The following CAST variants were observed in gnomAD, a reference collection of about 807,000 sequenced individuals.
CAST encodes calpastatin, also known as MIR583 host.
Under a neutral mutation model 119.6 loss-of-function variants are expected in CAST, and 76 were observed. The ratio of observed to expected loss-of-function variants is 0.64; its 90% CI spans 0.53 to 0.77. The LOEUF is 0.77. Ranked by LOEUF, CAST falls within the 30% of genes least tolerant of loss-of-function variation. The pLI, the probability that CAST is intolerant of heterozygous loss-of-function variation, is 0.00. For synonymous variants in CAST, 319 were observed against 331.6 expected (o/e 0.96, Z 0.41); for missense variants, 953 against 946.5 (o/e 1.01, Z -0.09).
the CAST span, among the ~76,000 whole-genome samples, chr5:95,988,422 AAAG>A: frequency 6.6e-6 from 1 of 152,264 alleles, no homozygotes. Flanking sequence ...GTACAAGGTG[AAAG>A]AAGGAGCTGG....
At chr5:96,167,025 A>G in the CAST span, among the ~76,000 whole-genome samples, 2 of 151,864 alleles carry the variant, frequency 1.3e-5, no homozygotes, top group South Asian at 2.1e-4. Flanking sequence ...GGGTTGTTGG[A>G]AGAAACATTT....
At chr5:96,608,123 C>A (rs901176933) in intron 1 of CAST, among the ~76,000 whole-genome samples, 1 of 152,178 alleles carries the variant, frequency 6.6e-6, no homozygotes, top group African/African-American at 2.4e-5. Context: ...CCACACCCTT[C>A]CCCCAGTCTA....
chr5:96,540,049 A>G (rs1006835191), intron 1 of CAST, among the ~76,000 whole-genome samples: 1 of 152,100 alleles, frequency 6.6e-6, no homozygotes, highest in Admixed American at 6.6e-5. Context: ...TATAGCTTCA[A>G]ATATGTGTAG....
At chr5:96,476,489 G>A in the CAST span, among the ~76,000 whole-genome samples, 1 of 152,184 alleles carries the variant, frequency 6.6e-6, no homozygotes, top group Non-Finnish European at 1.5e-5. Context: ...AGGCAGAACT[G>A]TGGGCAGGAA....
the CAST span, among the ~76,000 whole-genome samples, chr5:96,003,385 A>G: frequency 6.6e-6 from 1 of 151,794 alleles, no homozygotes; most frequent in Admixed American, 6.6e-5. Flanking sequence ...AAAAATATGA[A>G]AAATTAGCCG....
chr5:96,563,082 T>C (rs1746409830), intron 1 of CAST, among the ~76,000 whole-genome samples: 1 of 152,180 alleles, frequency 6.6e-6, no homozygotes, highest in Admixed American at 6.5e-5. Context: ...AAGACACAGA[T>C]ATGGCAAAAA....
At chr5:96,281,692 G>A in the CAST span, among the ~76,000 whole-genome samples, 4 of 152,182 alleles carry the variant, frequency 2.6e-5, no homozygotes, top group African/African-American at 9.7e-5. Context: ...AAGTAATGAT[G>A]AAGGGTACAA....
the CAST span, among the ~76,000 whole-genome samples, chr5:96,419,609 C>A: frequency 1.5e-3 from 235 of 151,794 alleles, 1 homozygote; most frequent in African/African-American, 5.5e-3. Flanking sequence ...GCTCCCAAGT[C>A]TGCTCTTAAC....
At chr5:96,436,454 A>G in the CAST span, among the ~76,000 whole-genome samples, 1 of 104,768 alleles carries the variant, frequency 9.5e-6, no homozygotes, top group Admixed American at 1.0e-4. Flanking sequence ...CACCAATATA[A>G]GTTTTTATCT....
chr5:96,018,739 T>G, the CAST span, among the ~76,000 whole-genome samples: 1 of 152,206 alleles, frequency 6.6e-6, no homozygotes, highest in Non-Finnish European at 1.5e-5. Flanking sequence ...TTGGTAAGTG[T>G]ACATTGCTAT....
At chr5:96,467,129 A>AT in the CAST span, among the ~76,000 whole-genome samples, 15 of 151,360 alleles carry the variant, frequency 9.9e-5, no homozygotes, top group East Asian at 3.9e-4. Flanking sequence ...TTTTCATACC[A>AT]TTTTTTTTCT....
At chr5:96,633,322 T>A (rs155042) in intron 1 of CAST, among the ~76,000 whole-genome samples, 105,530 of 152,024 alleles carry the variant, frequency 0.69, 37,680 homozygotes, top group African/African-American at 0.86. Flanking sequence ...AACAATAGCA[T>A]CTCTTCCAAT....
At chr5:96,135,882 G>A in the CAST span, among the ~76,000 whole-genome samples, 1 of 152,114 alleles carries the variant, frequency 6.6e-6, no homozygotes, top group African/African-American at 2.4e-5. Context: ...CCAACATGGT[G>A]AAACCCCATC....
At chr5:95,968,435 T>C in the CAST span, among the ~76,000 whole-genome samples, 1 of 152,216 alleles carries the variant, frequency 6.6e-6, no homozygotes, top group Non-Finnish European at 1.5e-5. Context: ...CAGATTATGA[T>C]TTTAAATTAT....
chr5:96,547,036 A>T (rs1261702948), intron 1 of CAST, among the ~76,000 whole-genome samples: 1 of 152,202 alleles, frequency 6.6e-6, no homozygotes, highest in Admixed American at 6.5e-5. Flanking sequence ...TTGAAAATTG[A>T]TATGGAGGAA....
chr5:96,235,538 C>T, the CAST span, among the ~76,000 whole-genome samples: 1 of 152,100 alleles, frequency 6.6e-6, no homozygotes. Context: ...AGGAGCTGTC[C>T]TAGATTTGGC....
At chr5:96,562,197 A>G (rs1746387228) in intron 1 of CAST, among the ~76,000 whole-genome samples, 1 of 151,960 alleles carries the variant, frequency 6.6e-6, no homozygotes, top group Non-Finnish European at 1.5e-5. Context: ...GCACACACAC[A>G]CACACACACA....
At position 96,773,990 on chromosome 5, in the gene CAST, A is replaced by G. The variant is rs1773378489; in HGVS notation, c.*1374A>G. The G allele has an allele frequency of 6.6e-6, 1 of 152,364 alleles. No individual in the cohort carries two copies. The highest frequency in any genetic ancestry group is 1.5e-5 in the Non-Finnish European group (1 of 68,034). The allele number at this position is 152,364 out of a possible 1,614,324, so 9.4% of individuals were successfully genotyped here. A position where few individuals can be genotyped will look rare whatever the true frequency, so the allele number is the denominator to read the frequency against. On this transcript the variant is annotated 3_prime_UTR_variant, in exon 32 of 32. Coordinates refer to ENST00000675179, the MANE Select transcript of CAST (RefSeq NM_001750.7). The stretch of plus-strand genomic sequence containing the variant: ...CAAATACTCTCTGAAAGTCATGCAC[A>G]TACCTATGGGATTTTACACACCACC...
At chr5:96,046,937 C>T in the CAST span, among the ~76,000 whole-genome samples, 27 of 152,158 alleles carry the variant, frequency 1.8e-4, no homozygotes, top group African/African-American at 6.0e-4. Context: ...GAAAGACCAG[C>T]CCCCATGATT....
Sources: allele counts gnomAD v4.1 joint callset (sites outside exome capture counted in the v4.1 genomes callset), GRCh38; gene constraint gnomAD v4.1.1; transcripts MANE v1.5; gene names NCBI Gene and HGNC (gene_info 2026-07-23, HGNC 2026-07-21).